The following PACRG variants were observed in gnomAD, a reference collection of about 807,000 sequenced individuals.
PACRG encodes parkin coregulated.
Under a neutral mutation model 29.7 loss-of-function variants are expected in PACRG, and 29 were observed. The observed-to-expected ratio is 0.98, with a 90% CI of 0.73 to 1.33. The LOEUF is 1.33. PACRG is among the 40% of genes most tolerant of loss of function. The pLI is 0.00. For synonymous variants in PACRG, 116 were observed against 118.7 expected (o/e 0.98, Z 0.15); for missense variants, 279 against 316.2 (o/e 0.88, Z 0.89).
chr6:162,976,801 A>G (rs1196422928), intron 2 of PACRG, among the ~76,000 whole-genome samples: 1 of 152,242 alleles, frequency 6.6e-6, no homozygotes, highest in East Asian at 1.9e-4. Context: ...TTATTTTGTT[A>G]TATAATTATG....
intron 4 of PACRG, chr6:163,244,815 A>G (rs947385873): frequency 7.7e-6 from 2 of 261,012 alleles, no homozygotes; most frequent in Non-Finnish European, 1.5e-5. Context: ...TAATGGTGCC[A>G]GAACATGAGA....
intron 4 of PACRG, among the ~76,000 whole-genome samples, chr6:163,184,623 G>A (rs2128356247): frequency 6.6e-6 from 1 of 152,322 alleles, no homozygotes; most frequent in African/African-American, 2.4e-5. Context: ...ATTGTTCTAA[G>A]TGGTACAGGT....
chr6:163,122,658 T>C (rs1816340914), intron 4 of PACRG, among the ~76,000 whole-genome samples: 1 of 152,224 alleles, frequency 6.6e-6, no homozygotes, highest in Non-Finnish European at 1.5e-5. Context: ...CCACGCTTCC[T>C]GTGTAGCCTG....
intron 4 of PACRG, among the ~76,000 whole-genome samples, chr6:163,201,681 G>T (rs748928981): frequency 1.3e-5 from 2 of 152,238 alleles, no homozygotes; most frequent in Admixed American, 1.3e-4. Context: ...AGGATGCAGC[G>T]TAAGAACCTG....
At chr6:163,285,791 T>G (rs17386126) in intron 4 of PACRG, among the ~76,000 whole-genome samples, 22,610 of 152,206 alleles carry the variant, frequency 0.15, 2,017 homozygotes, top group Non-Finnish European at 0.2. Context: ...TAAATTCCTC[T>G]CAGGTAGATG....
intron 4 of PACRG, among the ~76,000 whole-genome samples, chr6:163,290,005 A>G (rs1369691197): frequency 6.6e-6 from 1 of 151,686 alleles, no homozygotes; most frequent in Admixed American, 6.6e-5. Flanking sequence ...GCACCACCAC[A>G]CTTGGCTAAT....
At chr6:163,124,442 A>C (rs1816434231) in intron 4 of PACRG, among the ~76,000 whole-genome samples, 1 of 152,198 alleles carries the variant, frequency 6.6e-6, no homozygotes, top group African/African-American at 2.4e-5. Flanking sequence ...TCTTAAGTTG[A>C]ATTTCTAAAT....
At chr6:163,090,211 G>A (rs1310329083) in intron 4 of PACRG, 3 of 152,138 alleles carry the variant, frequency 2.0e-5, no homozygotes, top group East Asian at 3.8e-4. Flanking sequence ...TGAGTTTACA[G>A]CAGCTCCTGC....
rs1376804083 is a variant in PACRG, at chr6:162,728,028, C to T, written c.-208C>T. Reference sequence around the variant, plus strand: ...AGCTTGTTGCAGCTCTAGCCAAGGTCCTGCCCTCTTCCCGCCCCGCCCCTA... The same window carrying T: ...AGCTTGTTGCAGCTCTAGCCAAGGTTCTGCCCTCTTCCCGCCCCGCCCCTA... On this transcript the variant is annotated 5_prime_UTR_variant, in exon 1 of 5. Coordinates refer to ENST00000366888, the MANE Select transcript of PACRG (RefSeq NM_001080379.2). 1 of 679,084 alleles carries T rather than the reference C, an allele frequency of 1.5e-6. No homozygotes were observed. Among genetic ancestry groups the T allele is most frequent in the East Asian group, 2.5e-5 (1 of 39,734 alleles). 42.1% of individuals were successfully genotyped at this position (679,084 alleles called of 1,614,324 possible).
intron 2 of PACRG, among the ~76,000 whole-genome samples, chr6:163,012,611 T>C (rs906608056): frequency 3.9e-5 from 6 of 152,224 alleles, no homozygotes; most frequent in East Asian, 1.9e-4. Context: ...AGAGCCCAGC[T>C]CCAGTGGCTA....
In PACRG at chr6:162,753,514, A is replaced by T. The variant is rs1256545863; in HGVS notation, c.156+25123A>T. 2.6e-5 allele frequency among the ~76,000 whole-genome samples: 4 copies of T among 152,288 alleles called. No homozygotes were observed. The East Asian group carries it at 7.7e-4, about 29-fold the overall frequency. On this transcript the variant is annotated intron_variant, in intron 1 of 4. Transcript: ENST00000366888. ...TCCATTTGTCCATTGATGAACACTTAGGTTGATTCCATGTCTTGACTATTG... is the reference window on the plus strand; with the variant it reads ...TCCATTTGTCCATTGATGAACACTTTGGTTGATTCCATGTCTTGACTATTG...
intron 2 of PACRG, among the ~76,000 whole-genome samples, chr6:162,859,294 A>G (rs1251203810): frequency 6.6e-6 from 1 of 152,228 alleles, no homozygotes; most frequent in African/African-American, 2.4e-5. Flanking sequence ...TTTTAAATGC[A>G]TCAATCTTCA....
rs1806158617 is a variant in PACRG, at chr6:163,016,841, T to C, written c.292-45309T>C. ...ATTATTATAAATTGTAATATATTTA[T>C]ATATACTGGGTAATGTGAACTAATT... On this transcript the variant is annotated intron_variant, in intron 2 of 4. Transcript: ENST00000366888. Among the ~76,000 whole-genome samples the C allele has an allele frequency of 1.3e-5, 2 of 152,114 alleles. 1 individual carries two copies. Among genetic ancestry groups the C allele is most frequent in the South Asian group, 4.1e-4 (2 of 4,830 alleles).
intron 2 of PACRG, among the ~76,000 whole-genome samples, chr6:162,864,881 C>T (rs551247638): frequency 6.6e-6 from 1 of 152,300 alleles, no homozygotes; most frequent in East Asian, 1.9e-4. Flanking sequence ...TGTGTTCCCA[C>T]TACTGACCTA....
chr6:162,881,558 G>A (rs1179070124), intron 2 of PACRG, among the ~76,000 whole-genome samples: 1 of 152,142 alleles, frequency 6.6e-6, no homozygotes, highest in African/African-American at 2.4e-5. Flanking sequence ...GAAACACAGG[G>A]AGCACTCTTC....
At chr6:163,049,282 TA>T (rs1450627857) in intron 2 of PACRG, among the ~76,000 whole-genome samples, 1 of 152,034 alleles carries the variant, frequency 6.6e-6, no homozygotes, top group Non-Finnish European at 1.5e-5. Context: ...GACAACTGGA[TA>T]TGACCTAAAA....
intron 2 of PACRG, among the ~76,000 whole-genome samples, chr6:162,876,492 G>A (rs1188846816): frequency 6.6e-6 from 1 of 152,138 alleles, no homozygotes; most frequent in Non-Finnish European, 1.5e-5. Context: ...ATGTTTGATG[G>A]CCGCATAAAT....
chr6:163,136,995 AC>A, intron 4 of PACRG, among the ~76,000 whole-genome samples: 1 of 152,228 alleles, frequency 6.6e-6, no homozygotes, highest in East Asian at 1.9e-4. Flanking sequence ...AATAGTTTAA[AC>A]GGAACTCCTA....
intron 2 of PACRG, among the ~76,000 whole-genome samples, chr6:162,922,968 T>C (rs1797171717): frequency 6.6e-6 from 1 of 152,222 alleles, no homozygotes. Context: ...TTTTTAGTTT[T>C]TGAGAAGCCT....
Sources: gnomAD v4.1 joint callset for allele counts (sites outside exome capture counted in the v4.1 genomes callset) on GRCh38, gnomAD v4.1.1 for gene constraint, MANE v1.5 for transcripts, NCBI Gene and HGNC (gene_info 2026-07-23, HGNC 2026-07-21) for gene names.